The following SEMA5A variants were observed in gnomAD, a reference collection of about 807,000 sequenced individuals.
The protein encoded by SEMA5A is semaphorin-5A.
Under a neutral mutation model 135.5 loss-of-function variants are expected in SEMA5A, and 55 were observed. That is an observed-to-expected ratio of 0.41 (90% confidence interval 0.33 to 0.51). The LOEUF (loss-of-function observed/expected upper bound fraction) is 0.51. Among genes scored for constraint, SEMA5A ranks in the 20% least tolerant of loss-of-function variants. The probability of loss-of-function intolerance (pLI) is 0.37; values close to 1 mark genes in which losing one functional copy is unlikely to be tolerated. For missense variants in SEMA5A, 1,290 were observed against 1,419.9 expected, an observed-to-expected ratio of 0.91 and a Z score of 1.47; for synonymous variants, 580 against 546.5, an observed-to-expected ratio of 1.06 and a Z score of -0.85.
At chr5:9,376,702 C>A (rs1755376204) in intron 3 of SEMA5A, among the ~76,000 whole-genome samples, 1 of 152,148 alleles carries the variant, frequency 6.6e-6, no homozygotes, top group African/African-American at 2.4e-5. Flanking sequence ...TGAAGGTTCA[C>A]TCCGAATTAA....
chr5:9,479,338 TG>T (rs1759785858), intron 1 of SEMA5A, among the ~76,000 whole-genome samples: 1 of 151,858 alleles, frequency 6.6e-6, no homozygotes, highest in South Asian at 2.1e-4. Flanking sequence ...GAGCTATGAT[TG>T]TGCTATGGCA....
At chr5:9,177,737 C>T (rs1033315911) in intron 11 of SEMA5A, among the ~76,000 whole-genome samples, 16 of 152,174 alleles carry the variant, frequency 1.1e-4, no homozygotes, top group African/African-American at 3.9e-4. Context: ...CTGCATCTCA[C>T]AGGTTACTAG....
intron 16 of SEMA5A, among the ~76,000 whole-genome samples, chr5:9,075,758 T>C (rs1359451157): frequency 6.6e-6 from 1 of 152,218 alleles, no homozygotes; most frequent in Non-Finnish European, 1.5e-5. Context: ...AATGGTTTTA[T>C]GAATGTATAA....
intron 5 of SEMA5A, among the ~76,000 whole-genome samples, chr5:9,270,742 A>C (rs972197319): frequency 6.6e-6 from 1 of 151,960 alleles, no homozygotes; most frequent in African/African-American, 2.4e-5. Flanking sequence ...GGACAAGGTT[A>C]AGGAGCTTTG....
rs1444246786 is a variant in SEMA5A at position 9,108,245 on chromosome 5, C to G, written c.1968G>C (p.Trp656Cys). ...ACCGTTCCCAAGGACCCCAGCCTGT[C>G]CAGAACATGTGTGGGGGACATAGCA... ...EHLLCPPHMFWTGWGPWERCT... is the reference protein window; with the variant it reads ...EHLLCPPHMFCTGWGPWERCT... The change falls in exon 16 of 23, where the codon TGG (tryptophan) becomes TGC (cysteine). Residue 656 changes from tryptophan to cysteine, a missense_variant. By Grantham distance (215) the Trp-to-Cys change is radical. Around this residue, in one of 3 missense-constraint regions of SEMA5A, gnomAD observed 1,029 missense variants for 1,086.6 expected, o/e 0.95. Transcript: ENST00000382496. The G allele has an allele frequency of 5.0e-6, 8 of 1,614,020 alleles. No individual in the cohort carries two copies. The highest frequency in any genetic ancestry group is 6.8e-6 in the Non-Finnish European group (8 of 1,180,036).
At chr5:9,453,821 GACATGAGCAACAGATATA>G (rs1244919778) in intron 1 of SEMA5A, among the ~76,000 whole-genome samples, 1 of 152,096 alleles carries the variant, frequency 6.6e-6, no homozygotes, top group Non-Finnish European at 1.5e-5. Context: ...AATATCAAAG[GACATGAGCAACAGATATA>G]ACACCCTAAC....
chr5:9,428,122 CTCTATCTATCTATCTATCTA>C (rs70943964), intron 2 of SEMA5A, among the ~76,000 whole-genome samples: 1 of 135,754 alleles, frequency 7.4e-6, no homozygotes, highest in African/African-American at 2.8e-5. Flanking sequence ...ATATATTCAA[CTCTATCTATCTATCTATCTA>C]TCTATCTATC....
chr5:9,079,640 C>G (rs1430792398), intron 16 of SEMA5A, among the ~76,000 whole-genome samples: 1 of 151,960 alleles, frequency 6.6e-6, no homozygotes, highest in African/African-American at 2.4e-5. Flanking sequence ...TGCAGTCTAT[C>G]CATCTGACAA....
At chr5:9,163,556 A>C (rs76599159) in intron 11 of SEMA5A, among the ~76,000 whole-genome samples, 1 of 152,002 alleles carries the variant, frequency 6.6e-6, no homozygotes, top group Non-Finnish European at 1.5e-5. Flanking sequence ...ACAATATCTC[A>C]TTTGTAAGGT....
intron 1 of SEMA5A, among the ~76,000 whole-genome samples, chr5:9,490,386 AAAG>A (rs1056276144): frequency 2.6e-5 from 4 of 152,148 alleles, no homozygotes; most frequent in African/African-American, 9.7e-5. Flanking sequence ...TAGGACTGAG[AAAG>A]AAGAAAATAG....
chr5:9,108,165 C>T lies in SEMA5A; in HGVS notation c.2048G>A (p.Gly683Glu), dbSNP rs1474483753. 4 of 1,614,066 alleles carry T rather than the reference C, an allele frequency of 2.5e-6. No individual in the cohort carries two copies. Among genetic ancestry groups the T allele is most frequent in the Non-Finnish European group, 3.4e-6 (4 of 1,180,004 alleles). The change falls in exon 16 of 23, where the codon GGG (glycine) becomes GAG (glutamate). Residue 683 changes from glycine to glutamate, a missense_variant. Gly to Glu is a moderately conservative substitution (Grantham distance 98). Around this residue, in one of 3 missense-constraint regions of SEMA5A, gnomAD observed 1,029 missense variants for 1,086.6 expected, o/e 0.95. Coordinates refer to ENST00000382496, the MANE Select transcript of SEMA5A (RefSeq NM_003966.3). ...IQARRRICEN[G>E]PDCAGCNVEY... The stretch of plus-strand genomic sequence containing the variant: ...CACATTGCAGCCTGCACAGTCAGGC[C>T]CATTCTCACAGATCCTGCGGCGAGC...
chr5:9,457,954 A>T (rs1227190705), intron 1 of SEMA5A, among the ~76,000 whole-genome samples: 1 of 120,186 alleles, frequency 8.3e-6, no homozygotes, highest in Non-Finnish European at 1.6e-5. Context: ...GTCACCCAGG[A>T]TGGAGTGCAG....
intron 2 of SEMA5A, among the ~76,000 whole-genome samples, chr5:9,386,156 G>A (rs1292847500): frequency 1.3e-5 from 2 of 152,098 alleles, no homozygotes; most frequent in Non-Finnish European, 2.9e-5. Context: ...TCTTAGCCCT[G>A]TTTTAAGGGA....
At position 9,041,686 on chromosome 5, in the gene SEMA5A, T is replaced by TAAAAG. The variant is rs1360899249; in HGVS notation, c.*1206_*1210dup. 1 of 152,522 alleles carries TAAAAG rather than the reference T, an allele frequency of 6.6e-6. No homozygotes were observed. The highest frequency in any genetic ancestry group is 1.9e-4 in the East Asian group (1 of 5,158). The allele number at this position is 152,522 out of a possible 1,614,324, so 9.4% of individuals were successfully genotyped here. A position where few individuals can be genotyped will look rare whatever the true frequency, so the allele number is the denominator to read the frequency against. ...GGTGGGTGGGAAGGCAGCACTGAAA[T>TAAAAG]AAAAGAAAAGGCACCAGAGCTGAGC... On this transcript the variant is annotated 3_prime_UTR_variant, in exon 23 of 23. Transcript: ENST00000382496.
At chr5:9,108,727 G>A (rs1015188538) in intron 15 of SEMA5A, among the ~76,000 whole-genome samples, 2 of 152,062 alleles carry the variant, frequency 1.3e-5, no homozygotes, top group Non-Finnish European at 1.5e-5. Flanking sequence ...AATCAAATAA[G>A]CCCATAGTTA....
At chr5:9,451,530 G>T in intron 1 of SEMA5A, among the ~76,000 whole-genome samples, 1 of 152,178 alleles carries the variant, frequency 6.6e-6, no homozygotes, top group East Asian at 1.9e-4. Context: ...CAGAAAAGTG[G>T]GGTGAAATGT....
At chr5:9,347,496 G>T (rs1378057124) in intron 3 of SEMA5A, among the ~76,000 whole-genome samples, 20 of 152,000 alleles carry the variant, frequency 1.3e-4, no homozygotes, top group Admixed American at 1.3e-3. Context: ...TTCCTGATTG[G>T]GTCTTCCTTC....
chr5:9,276,676 A>T (rs924432894), intron 5 of SEMA5A, among the ~76,000 whole-genome samples: 2 of 152,202 alleles, frequency 1.3e-5, no homozygotes, highest in African/African-American at 4.8e-5. Flanking sequence ...CAACCATCTG[A>T]TCTTTGACAA....
chr5:9,122,529 T>C, intron 14 of SEMA5A, 127 bp downstream of exon 14: 3 of 927,730 alleles, frequency 3.2e-6, no homozygotes, highest in Non-Finnish European at 2.9e-6. Context: ...TTTTAAATGG[T>C]GAATGTCCCT....
Sources: allele counts gnomAD v4.1 joint callset (sites outside exome capture counted in the v4.1 genomes callset), GRCh38; gene constraint gnomAD v4.1.1; regional missense constraint gnomAD v4.1.1; transcripts MANE v1.5; gene names NCBI Gene and HGNC (gene_info 2026-07-23, HGNC 2026-07-21).